GLDC: variants seen among roughly 807,000 people sequenced by gnomAD.
GLDC encodes glycine decarboxylase.
Under a neutral mutation model 121.3 loss-of-function variants are expected in GLDC, and 104 were observed. The observed-to-expected ratio is 0.86, with a 90% CI of 0.73 to 1.01. GLDC has a LOEUF of 1.01. Ranked by LOEUF, GLDC falls within the 50% of genes least tolerant of loss-of-function variation. GLDC has a pLI of 0.00. For missense variants in GLDC, 1,429 were observed against 1,306.6 expected, an observed-to-expected ratio of 1.09 and a Z score of -1.44; for synonymous variants, 546 against 480.6, an observed-to-expected ratio of 1.14 and a Z score of -1.78.
At chr9:6,618,709 G>C (rs1431161925) in intron 3 of GLDC, among the ~76,000 whole-genome samples, 1 of 152,202 alleles carries the variant, frequency 6.6e-6, no homozygotes, top group Non-Finnish European at 1.5e-5. Flanking sequence ...AATGCTTTCA[G>C]TGTTGTTCTA....
chr9:6,644,486 T>A, intron 2 of GLDC, 128 bp downstream of exon 2: 1 of 719,700 alleles, frequency 1.4e-6, no homozygotes, highest in Non-Finnish European at 2.5e-6. Context: ...TACCCGCCAC[T>A]GTTTTATTTT....
At chr9:6,588,240 G>A (rs538136595) in intron 14 of GLDC, among the ~76,000 whole-genome samples, 161 bp downstream of exon 14, 6 of 152,222 alleles carry the variant, frequency 3.9e-5, no homozygotes, top group Non-Finnish European at 5.9e-5. Context: ...GAGAAATACA[G>A]GGTTACTCCC....
intron 16 of GLDC, among the ~76,000 whole-genome samples, chr9:6,560,793 TG>T (rs1244475547): frequency 6.6e-6 from 1 of 152,182 alleles, no homozygotes; most frequent in African/African-American, 2.4e-5. Context: ...TCGGAACCTG[TG>T]GGTGTTTCCT....
chr9:6,595,486 G>C (rs1005928932), intron 8 of GLDC, among the ~76,000 whole-genome samples: 1 of 152,174 alleles, frequency 6.6e-6, no homozygotes, highest in South Asian at 2.1e-4. Flanking sequence ...GAGAAAAAGT[G>C]AGATCTGAGA....
chr9:6,626,805 C>A (rs1450027202), intron 2 of GLDC, among the ~76,000 whole-genome samples: 1 of 152,186 alleles, frequency 6.6e-6, no homozygotes, highest in Non-Finnish European at 1.5e-5. Context: ...TCCCTTCAGT[C>A]ACCACCTGCC....
chr9:6,597,928 G>A (rs917363111), intron 8 of GLDC, among the ~76,000 whole-genome samples: 2 of 107,330 alleles, frequency 1.9e-5, no homozygotes, highest in South Asian at 2.6e-4. Context: ...AGCGAGACTC[G>A]TCTCCAAAAA....
chr9:6,535,986 G>C (rs112061833), intron 23 of GLDC, 78 bp downstream of exon 23: 28 of 1,173,904 alleles, frequency 2.4e-5, no homozygotes, highest in Middle Eastern at 2.8e-4. Context: ...TTGAGAGTTC[G>C]GGAGTTGCTG....
At chr9:6,540,429 AAC>A (rs1396429553) in intron 21 of GLDC, 2 of 430,506 alleles carry the variant, frequency 4.6e-6, no homozygotes, top group Admixed American at 7.2e-5. Context: ...GGCATTACTG[AAC>A]ATATGACCGG....
At chr9:6,558,223 C>T (rs745521684) in intron 17 of GLDC, 25 of 550,730 alleles carry the variant, frequency 4.5e-5, no homozygotes, top group Non-Finnish European at 7.1e-5. Flanking sequence ...ATTCCTGACA[C>T]GAAGATGTGT....
chr9:6,562,714 C>T (rs1344085510), intron 16 of GLDC, among the ~76,000 whole-genome samples: 3 of 152,204 alleles, frequency 2.0e-5, no homozygotes, highest in African/African-American at 7.2e-5. Flanking sequence ...GCGTGCACCA[C>T]CATGCCTGGC....
intron 23 of GLDC, 70 bp from the exon 24 acceptor site, chr9:6,534,858 A>T (rs1279472750): frequency 1.7e-5 from 14 of 824,096 alleles, no homozygotes; most frequent in Non-Finnish European, 3.0e-5. Context: ...CCTGCACCTC[A>T]ACCGTCAATC....
chr9:6,609,546 G>A (rs552510893), intron 4 of GLDC, among the ~76,000 whole-genome samples: 26 of 152,012 alleles, frequency 1.7e-4, no homozygotes, highest in Admixed American at 9.2e-4. Context: ...AGAGGCTCCC[G>A]GGCACTCAGT....
chr9:6,554,876 C>T (rs1817588099), intron 18 of GLDC, 95 bp from the exon 19 acceptor site: 1 of 881,338 alleles, frequency 1.1e-6, no homozygotes. Flanking sequence ...CTTCTCCCCT[C>T]AGAGGAAAAG....
At chr9:6,554,642 T>C in intron 19 of GLDC, 27 bp downstream of exon 19, 2 of 1,494,300 alleles carry the variant, frequency 1.3e-6, no homozygotes, top group Non-Finnish European at 1.9e-6. Flanking sequence ...TCCAAAGCCA[T>C]CCTGAAACCA....
rs969722320 is a variant in GLDC at position 6,587,056 on chromosome 9, AGTT to A, written c.1850+82_1850+84del. On this transcript the variant is annotated intron_variant, in intron 15 of 24. Transcript: ENST00000321612. ...AGCAAGTCACAGAATAACACAAAAA[AGTT>A]GTTGTTCTAAGCCTTTAAGTTTTGT... 4.8e-5 allele frequency: 53 copies of A among 1,102,018 alleles called. No individual in the cohort carries two copies. The Middle Eastern group carries it at 8.7e-4, about 18-fold the overall frequency. 68.3% of individuals were successfully genotyped at this position (1,102,018 alleles called of 1,614,324 possible).
In GLDC at chr9:6,623,261, T is replaced by C. The variant is rs1206490483; in HGVS notation, c.335-2942A>G. On this transcript the variant is annotated intron_variant, in intron 2 of 24. Coordinates refer to ENST00000321612, the MANE Select transcript of GLDC (RefSeq NM_000170.3). ...TAGACATGGGAGACTTTTCATTTTG[T>C]TCTGTACTAAGAAAAATTCTTCTGC... Among the ~76,000 whole-genome samples, 3 of 140,460 alleles carry C rather than the reference T, an allele frequency of 2.1e-5. No individual in the cohort carries two copies. In the East Asian group the frequency reaches 6.4e-4, roughly 30 times the overall value. The allele number at this position is 140,460 out of a possible 152,430, so 92.1% of individuals were successfully genotyped here. A position where few individuals can be genotyped will look rare whatever the true frequency, so the allele number is the denominator to read the frequency against.
intron 8 of GLDC, among the ~76,000 whole-genome samples, chr9:6,600,816 A>G (rs1394568158): frequency 1.3e-5 from 2 of 152,126 alleles, no homozygotes; most frequent in Admixed American, 6.5e-5. Flanking sequence ...AACTTCAAGG[A>G]GCAGAACCCA....
At chr9:6,643,886 G>A (rs1054122607) in intron 2 of GLDC, among the ~76,000 whole-genome samples, 1 of 151,280 alleles carries the variant, frequency 6.6e-6, no homozygotes, top group Admixed American at 6.6e-5. Context: ...ATATAAAAAT[G>A]AGCCTGGTGT....
At chr9:6,579,436 G>A (rs1233555780) in intron 15 of GLDC, among the ~76,000 whole-genome samples, 2 of 151,888 alleles carry the variant, frequency 1.3e-5, no homozygotes, top group Non-Finnish European at 2.9e-5. Flanking sequence ...TATATTTTGG[G>A]TTTTTGTTTT....
Sources: gnomAD v4.1 joint callset for allele counts (sites outside exome capture counted in the v4.1 genomes callset) on GRCh38, gnomAD v4.1.1 for gene constraint, MANE v1.5 for transcripts, NCBI Gene and HGNC (gene_info 2026-07-23, HGNC 2026-07-21) for gene names.